The following NPHS2 variants were observed in gnomAD, a reference collection of about 807,000 sequenced individuals.
NPHS2 encodes NPHS2 stomatin family member, podocin.
In NPHS2, 36 loss-of-function variants were observed where a neutral mutation model predicts 37.1. The ratio of observed to expected loss-of-function variants is 0.97; its 90% CI spans 0.74 to 1.28. NPHS2 has a LOEUF of 1.28. Ranked by LOEUF, NPHS2 falls within the 50% of genes most tolerant of loss-of-function variation. NPHS2 has a pLI of 0.00. For synonymous variants in NPHS2, 196 were observed against 189.3 expected, an observed-to-expected ratio of 1.04 and a Z score of -0.29; for missense variants, 447 against 488.1, an observed-to-expected ratio of 0.92 and a Z score of 0.79.
chr1:179,573,526 C>T (rs73035933), intron 1 of NPHS2, among the ~76,000 whole-genome samples: 4,056 of 152,234 alleles, frequency 0.027, 173 homozygotes, highest in African/African-American at 0.093. Context: ...CTCTAAGGAA[C>T]GCTCATTGAT....
intron 1 of NPHS2, 91 bp downstream of exon 1, chr1:179,575,500 G>A (rs1282340668): frequency 1.0e-5 from 16 of 1,542,086 alleles, no homozygotes; most frequent in Non-Finnish European, 1.4e-5. Context: ...TCTGGCTTCA[G>A]TGGGTCTCGT....
At chr1:179,554,591 A>T in intron 5 of NPHS2, 60 bp from the exon 6 acceptor site, 1 of 1,608,884 alleles carries the variant, frequency 6.2e-7, no homozygotes, top group Non-Finnish European at 8.5e-7. Flanking sequence ...GAGCATGCCT[A>T]AACCCTGGTG....
chr1:179,567,525 G>A (rs1212518657), intron 1 of NPHS2, among the ~76,000 whole-genome samples: 1 of 152,178 alleles, frequency 6.6e-6, no homozygotes, highest in Non-Finnish European at 1.5e-5. Context: ...GGGACAATTT[G>A]ACTTCCTCTT....
intron 1 of NPHS2, among the ~76,000 whole-genome samples, chr1:179,565,135 A>G (rs1674286483): frequency 1.3e-5 from 2 of 152,070 alleles, no homozygotes; most frequent in African/African-American, 4.8e-5. Flanking sequence ...CTAGCTGGGT[A>G]TGGTGGTGCG....
At position 179,564,783 on chromosome 1, in the gene NPHS2, G is replaced by A; in HGVS notation, c.285C>T (p.Ser95=). 2.5e-6 allele frequency: 4 copies of A among 1,613,708 alleles called. No homozygotes were observed. The highest frequency in any genetic ancestry group is 2.2e-5 in the South Asian group (2 of 91,070). Reference sequence around the variant, plus strand: ...GCCACTCACAGGCCCCTAAGCCGGAGGATTTGGTACCTTAAAAAAATTAAA... The same window carrying A: ...GCCACTCACAGGCCCCTAAGCCGGAAGATTTGGTACCTTAAAAAAATTAAA... ...ESERPEEGTK[S]SGLGACEWLL... is the part of the protein sequence containing the mutation. The change falls in exon 2 of 8, where the codon TCC becomes TCT. Residue 95 remains serine (S), a synonymous_variant. Coordinates refer to ENST00000367615, the MANE Select transcript of NPHS2 (RefSeq NM_014625.4).
intron 1 of NPHS2, among the ~76,000 whole-genome samples, chr1:179,570,984 A>C (rs1674531094): frequency 6.6e-6 from 1 of 152,088 alleles, no homozygotes; most frequent in South Asian, 2.1e-4. Flanking sequence ...TAAAGGTTTT[A>C]AGCTTCCTTG....
chr1:179,559,799 A>G (rs1164257271), intron 3 of NPHS2, 38 bp from the exon 4 acceptor site: 2 of 1,391,720 alleles, frequency 1.4e-6, no homozygotes, highest in Non-Finnish European at 2.0e-6. Flanking sequence ...ATAAATAGCT[A>G]GCATGAAGGC....
intron 3 of NPHS2, 36 bp from the exon 4 acceptor site, chr1:179,559,797 C>T (rs1225668830): frequency 2.8e-6 from 4 of 1,420,230 alleles, no homozygotes; most frequent in Non-Finnish European, 3.9e-6. Context: ...AGATAAATAG[C>T]TAGCATGAAG....
intron 1 of NPHS2, among the ~76,000 whole-genome samples, chr1:179,574,585 A>G (rs1039186805): frequency 2.6e-5 from 4 of 152,214 alleles, no homozygotes; most frequent in African/African-American, 9.6e-5. Context: ...GCAAAACAGT[A>G]TTAACGTGAC....
At chr1:179,570,054 G>A (rs1447221789) in intron 1 of NPHS2, among the ~76,000 whole-genome samples, 2 of 152,102 alleles carry the variant, frequency 1.3e-5, no homozygotes, top group African/African-American at 2.4e-5. Context: ...TATCTTTGTG[G>A]TGTTCTCTGT....
At chr1:179,557,487 A>G (rs1673981394) in intron 4 of NPHS2, among the ~76,000 whole-genome samples, 1 of 152,246 alleles carries the variant, frequency 6.6e-6, no homozygotes, top group Non-Finnish European at 1.5e-5. Flanking sequence ...GAAGACATTC[A>G]GTTGATTCCA....
Position 179,555,157 on chromosome 1 carries a change from G to A in NPHS2, c.739-626C>T, listed in dbSNP as rs114553566. Among the ~76,000 whole-genome samples the A allele has an allele frequency of 3.1e-3, 469 of 152,270 alleles. 3 individuals are homozygous for A. The highest frequency in any genetic ancestry group is 0.011 in the African/African-American group (454 of 41,554). On this transcript the variant is annotated intron_variant, in intron 5 of 7. Transcript: ENST00000367615. ...ACTGATTTTGGACTCTGTGGTCTTC[G>A]AAACTAAGAAAATAATTTTTGTTTG... is the stretch of plus-strand genomic sequence containing the variant.
intron 1 of NPHS2, among the ~76,000 whole-genome samples, chr1:179,565,118 T>A (rs992571373): frequency 1.3e-5 from 2 of 151,392 alleles, no homozygotes. Context: ...AAAAAAAAAA[T>A]TAAAAACTAG....
At chr1:179,552,177 T>TAAAAA in intron 7 of NPHS2, 3 of 220,158 alleles carry the variant, frequency 1.4e-5, no homozygotes, top group Admixed American at 5.1e-5. Context: ...CTCTTGGCTC[T>TAAAAA]AGCATTGAGG....
Position 179,575,915 on chromosome 1 carries a change from C to A in NPHS2, c.-51G>T, listed in dbSNP as rs12406197. On this transcript the variant is annotated 5_prime_UTR_variant, in exon 1 of 8. Coordinates refer to ENST00000367615, the MANE Select transcript of NPHS2 (RefSeq NM_014625.4). ...CAGCAGCGCGGGAGCGCTAGGGGCA[C>A]GGGAGCGCAGTCCCTGTGGAGTCGC... The A allele has an allele frequency of 0.26, 352,788 of 1,358,458 alleles. 47,137 individuals are homozygous for A. The highest frequency in any genetic ancestry group is 0.28 in the Admixed American group (7,600 of 26,934). The allele number at this position is 1,358,458 out of a possible 1,614,324, so 84.2% of individuals were successfully genotyped here.
chr1:179,552,677 CT>C lies in NPHS2; in HGVS notation c.798del (p.Asp267MetfsTer2). 6.2e-7 allele frequency: 1 copy of C among 1,613,704 alleles called. No individual in the cohort carries two copies. Among genetic ancestry groups the C allele is most frequent in the Non-Finnish European group, 8.5e-7 (1 of 1,179,742 alleles). The stretch of plus-strand genomic sequence containing the variant: ...TGAAGCCCAGCTGGCAACCTCACAT[CT>C]TTACTGAAAAAGAAAGAATGCAGGT... ...WGIKVERIEI[K>X]DVRLPAGLQH... is the part of the protein sequence containing the mutation. On this transcript the variant is annotated frameshift_variant, in exon 7 of 8. Transcript: ENST00000367615. LOFTEE classifies it high-confidence loss of function.
At chr1:179,551,543 C>T in intron 7 of NPHS2, 92 bp from the exon 8 acceptor site, 1 of 1,462,222 alleles carries the variant, frequency 6.8e-7, no homozygotes, top group Non-Finnish European at 9.5e-7. Context: ...AAGCACTGAG[C>T]ATCTACTATG....
At chr1:179,565,210 G>A (rs186167684) in intron 1 of NPHS2, among the ~76,000 whole-genome samples, 3 of 152,256 alleles carry the variant, frequency 2.0e-5, no homozygotes, top group East Asian at 1.9e-4. Flanking sequence ...GGAGGTTGAC[G>A]CTGCAGTGAG....
In NPHS2 at chr1:179,551,047, G is replaced by A. The variant is rs544758616; in HGVS notation, c.*126C>T. ...CTCATGGATGGTGCATTGTGACTTC[G>A]TGCATTCCATGGCCATTCCATATGG... On this transcript the variant is annotated 3_prime_UTR_variant, in exon 8 of 8. Coordinates refer to ENST00000367615, the MANE Select transcript of NPHS2 (RefSeq NM_014625.4). The A allele has an allele frequency of 1.3e-4, 146 of 1,141,120 alleles. No homozygotes were observed. Among genetic ancestry groups the A allele is most frequent in the East Asian group, 2.0e-4 (8 of 40,882 alleles). The allele number at this position is 1,141,120 out of a possible 1,614,324, so 70.7% of individuals were successfully genotyped here.
Sources: allele counts gnomAD v4.1 joint callset (sites outside exome capture counted in the v4.1 genomes callset), GRCh38; gene constraint gnomAD v4.1.1; transcripts MANE v1.5; gene names NCBI Gene and HGNC (gene_info 2026-07-23, HGNC 2026-07-21).